The following CACNA1A variants were observed in gnomAD, a reference collection of about 807,000 sequenced individuals.
CACNA1A encodes the protein voltage-dependent P/Q-type calcium channel subunit alpha-1A.
A neutral mutation model predicts 262.4 loss-of-function variants in CACNA1A; 57 were observed. That is an observed-to-expected ratio of 0.22 (90% CI 0.18 to 0.27). The LOEUF (loss-of-function observed/expected upper bound fraction) is 0.27. Ranked by LOEUF, CACNA1A falls within the 10% of genes least tolerant of loss-of-function variation. The pLI is 1.00. For synonymous variants in CACNA1A, 1,431 were observed against 1,419.3 expected (o/e 1.01, Z -0.18); for missense variants, 2,526 against 3,562.8 (o/e 0.71, Z 7.41).
At chr19:13,265,801 C>A (rs1600205395) in intron 24 of CACNA1A, among the ~76,000 whole-genome samples, 1 of 152,058 alleles carries the variant, frequency 6.6e-6, no homozygotes, top group East Asian at 1.9e-4. Context: ...TAACAAAGAG[C>A]CCAGCTTGAA....
At chr19:13,361,430 G>A (rs2059109419) in intron 5 of CACNA1A, among the ~76,000 whole-genome samples, 1 of 152,200 alleles carries the variant, frequency 6.6e-6, no homozygotes, top group Non-Finnish European at 1.5e-5. Context: ...CAGCGGGTCT[G>A]AGAGGACCTT....
intron 3 of CACNA1A, among the ~76,000 whole-genome samples, chr19:13,448,698 C>T (rs80147362): frequency 0.024 from 3,626 of 152,186 alleles, 143 homozygotes; most frequent in African/African-American, 0.081. Context: ...CTCCTGGGTA[C>T]GTGCCCTAGA....
intron 11 of CACNA1A, 119 bp from the exon 12 acceptor site, chr19:13,312,900 G>A (rs2058060426): frequency 3.7e-6 from 2 of 544,726 alleles, no homozygotes; most frequent in Admixed American, 4.2e-5. Flanking sequence ...GTAGAGATGA[G>A]GTCTTGCTAT....
intron 1 of CACNA1A, among the ~76,000 whole-genome samples, chr19:13,465,141 G>A (rs1205311367): frequency 6.6e-6 from 1 of 151,382 alleles, no homozygotes; most frequent in African/African-American, 2.4e-5. Flanking sequence ...ATGTTGGCCA[G>A]GCTAGTCTTG....
At chr19:13,396,792 T>C (rs2059818841) in intron 3 of CACNA1A, among the ~76,000 whole-genome samples, 2 of 152,176 alleles carry the variant, frequency 1.3e-5, no homozygotes, top group Non-Finnish European at 1.5e-5. Context: ...AGGCGGACCC[T>C]TGAAGACTAC....
chr19:13,442,076 G>T (rs1430245721), intron 3 of CACNA1A, among the ~76,000 whole-genome samples: 16 of 152,156 alleles, frequency 1.1e-4, no homozygotes, highest in Admixed American at 8.5e-4. Context: ...TGTCCAGGGT[G>T]CTGAAACCTG....
chr19:13,498,743 A>AT (rs1459344899), intron 1 of CACNA1A, among the ~76,000 whole-genome samples: 55 of 152,180 alleles, frequency 3.6e-4, no homozygotes, highest in Non-Finnish European at 1.5e-5. Context: ...TTCAGAGGGA[A>AT]TAAGTAACTG....
At chr19:13,375,707 G>A (rs1351884413) in intron 3 of CACNA1A, among the ~76,000 whole-genome samples, 1 of 152,138 alleles carries the variant, frequency 6.6e-6, no homozygotes, top group Non-Finnish European at 1.5e-5. Flanking sequence ...AGGATCACTT[G>A]GTCCCAGGAA....
intron 6 of CACNA1A, among the ~76,000 whole-genome samples, chr19:13,340,419 G>C (rs1025463010): frequency 3.9e-5 from 5 of 129,602 alleles, no homozygotes; most frequent in Middle Eastern, 7.9e-3. Flanking sequence ...GGCACAGAGA[G>C]GTCTATTTTT....
At chr19:13,345,838 C>T (rs952802700) in intron 6 of CACNA1A, among the ~76,000 whole-genome samples, 2 of 150,476 alleles carry the variant, frequency 1.3e-5, no homozygotes, top group African/African-American at 4.9e-5. Flanking sequence ...TCCCCTTTCA[C>T]TCTCAAAACT....
intron 3 of CACNA1A, among the ~76,000 whole-genome samples, chr19:13,407,377 C>G (rs2060029555): frequency 1.3e-5 from 2 of 152,194 alleles, no homozygotes; most frequent in Non-Finnish European, 2.9e-5. Flanking sequence ...TCAAAAACTG[C>G]TTTTGTCACC....
chr19:13,359,594 A>G lies in CACNA1A; in HGVS notation c.978+12T>C, dbSNP rs755859875. 1 of 1,600,622 alleles carries G rather than the reference A, an allele frequency of 6.2e-7. No homozygotes were observed. Among genetic ancestry groups the G allele is most frequent in the Admixed American group, 1.7e-5 (1 of 59,074 alleles). ...TCTGATTGTCCACACACACTGTCCC[A>G]GCATCACTTACATTGTAGAGGAGAT... is the stretch of plus-strand genomic sequence containing the variant. On this transcript the variant is annotated intron_variant, in intron 6 of 46. Coordinates refer to ENST00000360228, the MANE Select transcript of CACNA1A (RefSeq NM_001127222.2).
rs766297758 is a variant in CACNA1A at position 13,257,343 on chromosome 19, G to A, written c.4590+7C>T. 10 of 1,611,204 alleles carry A rather than the reference G, an allele frequency of 6.2e-6. No homozygotes were observed. The highest frequency in any genetic ancestry group is 7.6e-6 in the Non-Finnish European group (9 of 1,177,502). On this transcript the variant is annotated splice_region_variant and intron_variant, in intron 28 of 46. Transcript: ENST00000360228. ...TTTTAAAGGACAGATGGAATTGGAA[G>A]TGGCACCTCATTTTTCTCCAGGCTG...
chr19:13,320,899 C>T (rs764157815), intron 10 of CACNA1A, among the ~76,000 whole-genome samples: 1 of 152,068 alleles, frequency 6.6e-6, no homozygotes, highest in Non-Finnish European at 1.5e-5. Flanking sequence ...ATATTTTATA[C>T]TCTTTCTTTT....
intron 31 of CACNA1A, among the ~76,000 whole-genome samples, chr19:13,237,846 G>A (rs981735926): frequency 2.0e-5 from 3 of 152,112 alleles, no homozygotes; most frequent in Non-Finnish European, 2.9e-5. Context: ...GCCCCCTCCC[G>A]TTCAACCCCA....
intron 6 of CACNA1A, among the ~76,000 whole-genome samples, chr19:13,347,059 G>GTTTTTTTTTTTTTTTTTTTTTTTTT (rs1207564258): frequency 3.4e-5 from 2 of 58,394 alleles, no homozygotes; most frequent in Non-Finnish European, 3.5e-5. Flanking sequence ...TGTTTTTTTT[G>GTTTTTTTTTTTTTTTTTTTTTTTTT]TTTTTTTGTT....
chr19:13,439,707 G>T (rs1599459108), intron 3 of CACNA1A, among the ~76,000 whole-genome samples: 1 of 152,124 alleles, frequency 6.6e-6, no homozygotes, highest in South Asian at 2.1e-4. Context: ...CACCGTGCCT[G>T]GCCCAGTCTG....
intron 11 of CACNA1A, among the ~76,000 whole-genome samples, chr19:13,313,624 G>T (rs551332303): frequency 6.6e-6 from 1 of 151,612 alleles, no homozygotes; most frequent in East Asian, 1.9e-4. Flanking sequence ...TGTAGTTTTT[G>T]CCCTGGTTCG....
intron 1 of CACNA1A, among the ~76,000 whole-genome samples, chr19:13,472,319 T>C (rs1978286911): frequency 6.6e-6 from 1 of 151,872 alleles, no homozygotes; most frequent in Non-Finnish European, 1.5e-5. Flanking sequence ...TATACATATA[T>C]ATGCTTTATA....
Sources: allele counts gnomAD v4.1 joint callset (sites outside exome capture counted in the v4.1 genomes callset), GRCh38; gene constraint gnomAD v4.1.1; transcripts MANE v1.5; gene names NCBI Gene and HGNC (gene_info 2026-07-23, HGNC 2026-07-21).